SLC34A1: variants seen among roughly 807,000 people sequenced by gnomAD.
The protein encoded by SLC34A1 is solute carrier family 34 member 1.
SLC34A1 carries 57 observed loss-of-function variants against 51.4 expected under a neutral mutation model. The observed-to-expected ratio is 1.11, with a 90% CI of 0.90 to 1.38. The LOEUF is 1.38. Ranked by LOEUF, SLC34A1 falls within the 40% of genes most tolerant of loss-of-function variation. The probability of loss-of-function intolerance (pLI) is 0.00; values close to 1 mark genes in which losing one functional copy is unlikely to be tolerated. For missense variants in SLC34A1, 796 were observed against 835.6 expected (o/e 0.95, Z 0.58); for synonymous variants, 368 against 358.0 (o/e 1.03, Z -0.32).
intron 8 of SLC34A1, among the ~76,000 whole-genome samples, chr5:177,389,132 A>G (rs1007691866): frequency 1.3e-5 from 2 of 152,138 alleles, no homozygotes; most frequent in Non-Finnish European, 2.9e-5. Context: ...ATCTGTTTGA[A>G]TCAAGTGGAT....
chr5:177,396,496 AGTGCCCCCGCGGAGG>A lies in SLC34A1; in HGVS notation c.1175-236_1175-222del, dbSNP rs1223699856. The stretch of plus-strand genomic sequence containing the variant: ...TGCCCCCGCGGAGGTCCTCTCTCCC[AGTGCCCCCGCGGAGG>A]TCCTCTCTCCCAGTGCCCCCGCGGA... On this transcript the variant is annotated intron_variant, in intron 10 of 12. Coordinates refer to ENST00000324417, the MANE Select transcript of SLC34A1 (RefSeq NM_003052.5). This position sits in a 1 kb window ranked among gnomAD's most constrained non-coding sequence, Gnocchi z 4.0. 7.2e-5 allele frequency among the ~76,000 whole-genome samples: 9 copies of A among 125,616 alleles called. No homozygotes were observed. The highest frequency in any genetic ancestry group is 2.5e-4 in the African/African-American group (9 of 36,656). 82.4% of individuals were successfully genotyped at this position (125,616 alleles called of 152,430 possible). A position where few individuals can be genotyped will look rare whatever the true frequency, so the allele number is the denominator to read the frequency against.
rs767303562 is a variant in SLC34A1, at chr5:177,386,186, C to A, written c.260-35C>A. 1 of 1,613,992 alleles carries A rather than the reference C, an allele frequency of 6.2e-7. No homozygotes were observed. Among genetic ancestry groups the A allele is most frequent in the South Asian group, 1.1e-5 (1 of 91,090 alleles). ...AGGCGGCAGCAGTCCCTGCCCTGGC[C>A]TCTGCCCACTATGCTCATGGCTTCC... On this transcript the variant is annotated intron_variant, in intron 3 of 12. Transcript: ENST00000324417. This position sits in a 1 kb window ranked among gnomAD's most constrained non-coding sequence, Gnocchi z 4.8.
chr5:177,393,878 T>C (rs2127353022), intron 9 of SLC34A1, 115 bp downstream of exon 9: 1 of 1,469,080 alleles, frequency 6.8e-7, no homozygotes, highest in Non-Finnish European at 9.5e-7. Flanking sequence ...GGCTGTCAAC[T>C]AGCCCAGCTC....
Position 177,398,084 on chromosome 5 carries a change from TAC to T in SLC34A1, c.1720_1721del (p.Gln574AspfsTer30), listed in dbSNP as rs779450299. The T allele has an allele frequency of 3.7e-6, 6 of 1,613,198 alleles. No individual in the cohort carries two copies. The South Asian group carries it at 5.5e-5, about 15-fold the overall frequency. ...AGTCCCGGGCACCTGCCCAAGTGGT[TAC>T]AGACATGGGACTTCCTGCCTCGCTG... On this transcript the variant is annotated frameshift_variant, in exon 13 of 13. Transcript: ENST00000324417. LOFTEE classifies it high-confidence loss of function. The surrounding 1 kb of genome is among the most constrained non-coding windows in gnomAD (Gnocchi z 4.7).
At position 177,396,185 on chromosome 5, in the gene SLC34A1, G is replaced by A. The variant is rs1762948021; in HGVS notation, c.1175-548G>A. 6.6e-6 allele frequency among the ~76,000 whole-genome samples: 1 copy of A among 152,212 alleles called. No individual in the cohort carries two copies. The highest frequency in any genetic ancestry group is 6.5e-5 in the Admixed American group (1 of 15,276). On this transcript the variant is annotated intron_variant, in intron 10 of 12. Transcript: ENST00000324417. The surrounding 1 kb of genome is among the most constrained non-coding windows in gnomAD (Gnocchi z 4.0). ...AGCTCAGAGAAGGGAGAAAAAGTCT[G>A]CTCCAGAGCAGGGGGTCAGGGAAGG...
chr5:177,388,060 G>A lies in SLC34A1; in HGVS notation c.711G>A (p.Leu237=), dbSNP rs762898583. 3 of 1,614,102 alleles carry A rather than the reference G, an allele frequency of 1.9e-6. No homozygotes were observed. Among genetic ancestry groups the A allele is most frequent in the African/African-American group, 1.3e-5 (1 of 75,040 alleles). ...NWLSVLVLLP[L]EAATGYLHHI... is the part of the protein sequence containing the mutation. ...TGTCAGTGCTGGTCCTGCTGCCCCT[G>A]GAGGCTGCCACTGGCTACCTGCACC... The change falls in exon 7 of 13, where the codon CTG becomes CTA. Residue 237 remains leucine, a synonymous_variant. Transcript: ENST00000324417. This position sits in a 1 kb window ranked among gnomAD's most constrained non-coding sequence, Gnocchi z 4.3.
rs528339388 is a variant in SLC34A1, at chr5:177,388,647, G to A, written c.936+275G>A. 1.4e-3 allele frequency among the ~76,000 whole-genome samples: 210 copies of A among 152,176 alleles called. No homozygotes were observed. The highest frequency in any genetic ancestry group is 1.0e-3 in the African/African-American group (42 of 41,498). ...GTCCCAGGCCAGCATCTTGTGTGCC[G>A]TGTGGGAACCTATTAGAGATGCAAA... On this transcript the variant is annotated intron_variant, in intron 8 of 12. Coordinates refer to ENST00000324417, the MANE Select transcript of SLC34A1 (RefSeq NM_003052.5). This position sits in a 1 kb window ranked among gnomAD's most constrained non-coding sequence, Gnocchi z 4.3.
chr5:177,395,790 C>T (rs1277598495), intron 10 of SLC34A1, among the ~76,000 whole-genome samples: 2 of 152,190 alleles, frequency 1.3e-5, no homozygotes, highest in African/African-American at 2.4e-5. Context: ...TGCACCGCCA[C>T]ACTCAGCTAA....
Position 177,398,376 on chromosome 5 carries a change from TG to T in SLC34A1, c.*91del. 6.8e-7 allele frequency: 1 copy of T among 1,461,124 alleles called. No individual in the cohort carries two copies. Among genetic ancestry groups the T allele is most frequent in the East Asian group, 2.3e-5 (1 of 44,214 alleles). The allele number at this position is 1,461,124 out of a possible 1,614,324, so 90.5% of individuals were successfully genotyped here. The stretch of plus-strand genomic sequence containing the variant: ...GTGTGTGTAGGTATGTGCATGTGCC[TG>T]TGCCACCCTGGGTGCCAGTCTCTCC... On this transcript the variant is annotated 3_prime_UTR_variant, in exon 13 of 13. Coordinates refer to ENST00000324417, the MANE Select transcript of SLC34A1 (RefSeq NM_003052.5). The surrounding 1 kb of genome is among the most constrained non-coding windows in gnomAD (Gnocchi z 4.7).
At chr5:177,394,983 G>A (rs1405268690) in intron 10 of SLC34A1, among the ~76,000 whole-genome samples, 3 of 151,922 alleles carry the variant, frequency 2.0e-5, no homozygotes, top group Non-Finnish European at 2.9e-5. Context: ...ATGAGCCACC[G>A]TGCCCGGCCG....
Position 177,398,342 on chromosome 5 carries a change from G to A in SLC34A1, c.*56G>A, listed in dbSNP as rs368193502. On this transcript the variant is annotated 3_prime_UTR_variant, in exon 13 of 13. Transcript: ENST00000324417. The surrounding 1 kb of genome is among the most constrained non-coding windows in gnomAD (Gnocchi z 4.7). ...GGAAGGCCTGGGGTGGAAAGGCAGG[G>A]GAGGGAGGGTGTGTGTAGGTATGTG... 3 of 1,590,684 alleles carry A rather than the reference G, an allele frequency of 1.9e-6. No individual in the cohort carries two copies. The highest frequency in any genetic ancestry group is 1.3e-5 in the African/African-American group (1 of 74,842).
Position 177,385,021 on chromosome 5 carries a change from A to AG in SLC34A1, c.-48+541dup, listed in dbSNP as rs201345824. On this transcript the variant is annotated intron_variant, in intron 1 of 12. Transcript: ENST00000324417. ...AGACTCCTGGGGCAGTGCGGGGACA[A>AG]GGGGGGGCTGAGGCAAGCCTGTCAG... Among the ~76,000 whole-genome samples the AG allele has an allele frequency of 8.1e-4, 123 of 152,150 alleles. No homozygotes were observed. The East Asian group carries it at 0.016, about 20-fold the overall frequency.
chr5:177,398,023 G>C lies in SLC34A1; in HGVS notation c.1657G>C (p.Ala553Pro), dbSNP rs1241045641. 6.2e-7 allele frequency: 1 copy of C among 1,613,976 alleles called. No individual in the cohort carries two copies. Among genetic ancestry groups the C allele is most frequent in the African/African-American group, 1.3e-5 (1 of 74,920 alleles). ...GVGTPFGALL[A>P]FVVLINVLQS... ...GGGCACGCCCTTCGGGGCCCTGCTG[G>C]CCTTCGTGGTGCTCATCAATGTCCT... is the stretch of plus-strand genomic sequence containing the variant. Residue 553 changes from alanine to proline, a missense_variant, in exon 13 of 13, where the codon GCC becomes CCC. Physicochemically the swap from Ala to Pro is conservative, Grantham distance 27. Coordinates refer to ENST00000324417, the MANE Select transcript of SLC34A1 (RefSeq NM_003052.5). This position sits in a 1 kb window ranked among gnomAD's most constrained non-coding sequence, Gnocchi z 4.7.
At chr5:177,393,823 G>A (rs1307481893) in intron 9 of SLC34A1, 60 bp downstream of exon 9, 2 of 1,571,170 alleles carry the variant, frequency 1.3e-6, no homozygotes, top group African/African-American at 1.4e-5. Flanking sequence ...AGCAGTGGCA[G>A]GGCAATCCCA....
In SLC34A1 at chr5:177,386,353, G is replaced by A. The variant is rs1762571754; in HGVS notation, c.388+4G>A. ...TCGGCCTTCCAGCTGGCTGGAGGTA[G>A]GGCCCGGGTGGAGGAGACCTGGGAG... is the stretch of plus-strand genomic sequence containing the variant. On this transcript the variant is annotated splice_donor_region_variant and intron_variant, in intron 4 of 12. Coordinates refer to ENST00000324417, the MANE Select transcript of SLC34A1 (RefSeq NM_003052.5). This position sits in a 1 kb window ranked among gnomAD's most constrained non-coding sequence, Gnocchi z 4.8. The A allele has an allele frequency of 6.2e-7, 1 of 1,614,256 alleles. No individual in the cohort carries two copies. Among genetic ancestry groups the A allele is most frequent in the Non-Finnish European group, 8.5e-7 (1 of 1,180,040 alleles).
chr5:177,386,111 G>A lies in SLC34A1; in HGVS notation c.234G>A (p.Leu78=), dbSNP rs1251914743. 2 of 1,613,526 alleles carry A rather than the reference G, an allele frequency of 1.2e-6. No homozygotes were observed. Among genetic ancestry groups the A allele is most frequent in the East Asian group, 4.5e-5 (2 of 44,862 alleles). Residue 78 remains leucine, a synonymous_variant, in exon 3 of 13, where the codon CTG becomes CTA. Coordinates refer to ENST00000324417, the MANE Select transcript of SLC34A1 (RefSeq NM_003052.5). The surrounding 1 kb of genome is among the most constrained non-coding windows in gnomAD (Gnocchi z 4.8). ...LERHEPLPAK[L]ALEEEQKPES... is the part of the protein sequence containing the mutation. ...GCCATGAACCACTGCCTGCCAAGCT[G>A]GCCCTGGAGGAGGAGCAGAAGCCAG... is the stretch of plus-strand genomic sequence containing the variant.
intron 10 of SLC34A1, among the ~76,000 whole-genome samples, chr5:177,394,452 A>G (rs754012377): frequency 1.4e-4 from 21 of 152,236 alleles, no homozygotes; most frequent in Non-Finnish European, 1.0e-4. Context: ...AAGAGTACTT[A>G]AGCCCCCATT....
chr5:177,386,641 C>A lies in SLC34A1; in HGVS notation c.532+75C>A. The A allele has an allele frequency of 3.2e-6, 5 of 1,553,208 alleles. No homozygotes were observed. Among genetic ancestry groups the A allele is most frequent in the Non-Finnish European group, 4.4e-6 (5 of 1,132,496 alleles). On this transcript the variant is annotated intron_variant, in intron 5 of 12. Coordinates refer to ENST00000324417, the MANE Select transcript of SLC34A1 (RefSeq NM_003052.5). The surrounding 1 kb of genome is among the most constrained non-coding windows in gnomAD (Gnocchi z 4.8). Reference sequence around the variant, plus strand: ...GCTGGGAAGGGTGGCAAATGGGGAGCGTGACCCCAGTAAGGCTGGCCTCCA... The same window carrying A: ...GCTGGGAAGGGTGGCAAATGGGGAGAGTGACCCCAGTAAGGCTGGCCTCCA...
intron 12 of SLC34A1, 21 bp downstream of exon 12, chr5:177,397,095 C>G (rs560197684): frequency 6.2e-7 from 1 of 1,610,514 alleles, no homozygotes; most frequent in Admixed American, 1.7e-5. Flanking sequence ...AGTGTAGCCT[C>G]GCCTGGGGCA....
Sources: gnomAD v4.1 joint callset for allele counts (sites outside exome capture counted in the v4.1 genomes callset) on GRCh38, gnomAD v4.1.1 for gene constraint, Gnocchi (gnomAD v3.1) non-coding constraint, MANE v1.5 for transcripts, NCBI Gene and HGNC (gene_info 2026-07-23, HGNC 2026-07-21) for gene names.